PSEN1: variants seen among roughly 807,000 people sequenced by gnomAD.
PSEN1 encodes presenilin-1.
In PSEN1, 15 loss-of-function variants were observed where a neutral mutation model predicts 53.5. The observed-to-expected ratio is 0.28, with a 90% CI of 0.19 to 0.43. PSEN1 has a LOEUF of 0.43. Among genes scored for constraint, PSEN1 ranks in the 20% least tolerant of loss-of-function variants. The pLI is 1.00. For synonymous variants in PSEN1, 208 were observed against 209.8 expected, an observed-to-expected ratio of 0.99 and a Z score of 0.08; for missense variants, 387 against 571.2, an observed-to-expected ratio of 0.68 and a Z score of 3.29.
At chr14:73,199,552 CACAG>C (rs1485165162) in intron 8 of PSEN1, among the ~76,000 whole-genome samples, 3 of 152,180 alleles carry the variant, frequency 2.0e-5, no homozygotes, top group East Asian at 1.9e-4. Context: ...TATTTTCTAT[CACAG>C]ACAGCACTTA....
chr14:73,172,705 A>G (rs1897927864), intron 4 of PSEN1, among the ~76,000 whole-genome samples: 1 of 152,252 alleles, frequency 6.6e-6, no homozygotes, highest in African/African-American at 2.4e-5. Flanking sequence ...ATAGAAAATC[A>G]AAACAACTGG....
intron 10 of PSEN1, among the ~76,000 whole-genome samples, chr14:73,216,534 G>A (rs1353090180): frequency 1.3e-5 from 2 of 152,158 alleles, no homozygotes; most frequent in Non-Finnish European, 2.9e-5. Flanking sequence ...GCCAAGGTGG[G>A]TGGATCATGA....
Position 73,198,145 on chromosome 14 carries a change from G to T in PSEN1, c.868+16G>T, listed in dbSNP as rs165932. On this transcript the variant is annotated intron_variant, in intron 8 of 11. Coordinates refer to ENST00000324501, the MANE Select transcript of PSEN1 (RefSeq NM_000021.4). ...ATTTACTCCTGTAAGTATTTGAGAA[G>T]GATATTGAATTAGTAATCAGTGTAG... 0.58 allele frequency: 839,093 copies of T among 1,444,742 alleles called. 246,941 individuals are homozygous for T. Among genetic ancestry groups the T allele is most frequent in the African/African-American group, 0.74 (53,167 of 71,804 alleles). The allele number at this position is 1,444,742 out of a possible 1,614,324, so 89.5% of individuals were successfully genotyped here.
chr14:73,195,662 G>A (rs1653441803), intron 7 of PSEN1, among the ~76,000 whole-genome samples: 1 of 152,132 alleles, frequency 6.6e-6, no homozygotes, highest in South Asian at 2.1e-4. Context: ...CACGATTATA[G>A]CTCACTGTAG....
At chr14:73,147,556 G>A (rs887632602) in intron 1 of PSEN1, 1 of 198,566 alleles carries the variant, frequency 5.0e-6, no homozygotes, top group Non-Finnish European at 1.0e-5. Context: ...AGCTCCCTTT[G>A]CTGGAAATCA....
intron 4 of PSEN1, among the ~76,000 whole-genome samples, chr14:73,172,432 G>T (rs574069889): frequency 3.3e-5 from 5 of 152,184 alleles, no homozygotes; most frequent in African/African-American, 9.7e-5. Context: ...GTTTGGCAAC[G>T]TATTATAGAA....
intron 3 of PSEN1, among the ~76,000 whole-genome samples, chr14:73,162,804 A>G (rs1356390232): frequency 6.6e-6 from 1 of 152,190 alleles, no homozygotes; most frequent in African/African-American, 2.4e-5. Flanking sequence ...ATGTGTTTGT[A>G]TTTGCTTGCA....
chr14:73,212,045 C>A, intron 10 of PSEN1, 103 bp downstream of exon 10: 2 of 595,014 alleles, frequency 3.4e-6, no homozygotes, highest in East Asian at 6.7e-5. Flanking sequence ...CAGTCTAATT[C>A]TATATCACAT....
Position 73,147,274 on chromosome 14 carries a change from G to T in PSEN1, c.-135-521G>T, listed in dbSNP as rs1489211723. ...GCTGGGATTACAGGCATGAGCCACC[G>T]CTCCTGGCTGAGTCTGCGATTTCTT... On this transcript the variant is annotated intron_variant, in intron 1 of 11. Transcript: ENST00000324501. 2.0e-5 allele frequency among the ~76,000 whole-genome samples: 3 copies of T among 152,088 alleles called. No individual in the cohort carries two copies. In the East Asian group the frequency reaches 5.8e-4, roughly 29 times the overall value.
intron 5 of PSEN1, among the ~76,000 whole-genome samples, chr14:73,178,534 C>T (rs924251374): frequency 6.6e-6 from 1 of 152,118 alleles, no homozygotes; most frequent in Non-Finnish European, 1.5e-5. Flanking sequence ...TTTTATTCCA[C>T]AGGTTTCTGA....
intron 5 of PSEN1, among the ~76,000 whole-genome samples, chr14:73,177,044 T>A (rs1441407649): frequency 6.6e-6 from 1 of 152,228 alleles, no homozygotes; most frequent in Admixed American, 6.5e-5. Context: ...TTTGACTTAT[T>A]TATTGCCTCC....
intron 10 of PSEN1, among the ~76,000 whole-genome samples, chr14:73,215,205 C>T (rs1432029260): frequency 2.0e-5 from 3 of 151,728 alleles, no homozygotes; most frequent in African/African-American, 7.3e-5. Context: ...AAGTGATCTG[C>T]CCACCTCAGC....
At chr14:73,177,861 G>A (rs1898089374) in intron 5 of PSEN1, among the ~76,000 whole-genome samples, 1 of 152,100 alleles carries the variant, frequency 6.6e-6, no homozygotes, top group African/African-American at 2.4e-5. Flanking sequence ...ATTCTGTTTG[G>A]AGTTCACTGA....
chr14:73,217,006 A>C, intron 10 of PSEN1, 120 bp from the exon 11 acceptor site: 1 of 1,109,666 alleles, frequency 9.0e-7, no homozygotes, highest in Non-Finnish European at 1.4e-6. Flanking sequence ...CTAATTTTGT[A>C]TATCATTTAC....
rs747495809 is a variant in PSEN1, at chr14:73,192,911, G to A, written c.769+47G>A. 4 of 1,430,062 alleles carry A rather than the reference G, an allele frequency of 2.8e-6. No homozygotes were observed. The South Asian group carries it at 4.6e-5, about 16-fold the overall frequency. The allele number at this position is 1,430,062 out of a possible 1,614,324, so 88.6% of individuals were successfully genotyped here. On this transcript the variant is annotated intron_variant, in intron 7 of 11. Coordinates refer to ENST00000324501, the MANE Select transcript of PSEN1 (RefSeq NM_000021.4). ...TTGTTTGTCACAGGAATGCCCCACTGGAGTGTTTTCTTTCCTCATCTCTTT... is the reference window on the plus strand; with the variant it reads ...TTGTTTGTCACAGGAATGCCCCACTAGAGTGTTTTCTTTCCTCATCTCTTT...
chr14:73,176,060 C>T (rs1473495358), intron 5 of PSEN1, among the ~76,000 whole-genome samples: 1 of 152,210 alleles, frequency 6.6e-6, no homozygotes, highest in Admixed American at 6.5e-5. Context: ...GAACTTTAAG[C>T]TTATACAGAG....
rs185718364 is a variant in PSEN1, at chr14:73,199,387, G to A, written c.868+1258G>A. On this transcript the variant is annotated intron_variant, in intron 8 of 11. Coordinates refer to ENST00000324501, the MANE Select transcript of PSEN1 (RefSeq NM_000021.4). ...AGAGAGGATACTACAGGAAGTAGAG[G>A]AAAATAGTGGAAAATTGGGCAAGCC... 3.3e-4 allele frequency among the ~76,000 whole-genome samples: 50 copies of A among 152,294 alleles called. No individual in the cohort carries two copies. The East Asian group carries it at 8.3e-3, about 25-fold the overall frequency.
In PSEN1 at chr14:73,223,068, T is replaced by G. The variant is rs979631881; in HGVS notation, c.*3779T>G. On this transcript the variant is annotated 3_prime_UTR_variant, in exon 12 of 12. Transcript: ENST00000324501. ...AGATTAAAAACAGAGGTTTCAGCTC[T>G]TCATAGTGCGTTGTGAAATGGCTGG... 5 of 152,230 alleles carry G rather than the reference T, an allele frequency of 3.3e-5. No individual in the cohort carries two copies. Among genetic ancestry groups the G allele is most frequent in the Admixed American group, 2.6e-4 (4 of 15,280 alleles). The allele number at this position is 152,230 out of a possible 1,614,324, so 9.4% of individuals were successfully genotyped here.
chr14:73,219,409 T>A lies in PSEN1; in HGVS notation c.*120T>A. On this transcript the variant is annotated 3_prime_UTR_variant, in exon 12 of 12. Coordinates refer to ENST00000324501, the MANE Select transcript of PSEN1 (RefSeq NM_000021.4). The stretch of plus-strand genomic sequence containing the variant: ...AAGTCAAGATTCCCGGCTGGACTTT[T>A]GCAGCTTCCTTCCAAGTCTTCCTGA... The A allele has an allele frequency of 8.7e-7, 1 of 1,146,278 alleles. No individual in the cohort carries two copies. Among genetic ancestry groups the A allele is most frequent in the Non-Finnish European group, 1.3e-6 (1 of 768,552 alleles). The allele number at this position is 1,146,278 out of a possible 1,614,324, so 71.0% of individuals were successfully genotyped here. A position where few individuals can be genotyped will look rare whatever the true frequency, so the allele number is the denominator to read the frequency against.
Sources: allele counts gnomAD v4.1 joint callset (sites outside exome capture counted in the v4.1 genomes callset), GRCh38; gene constraint gnomAD v4.1.1; transcripts MANE v1.5; gene names NCBI Gene and HGNC (gene_info 2026-07-23, HGNC 2026-07-21).